Variants in AGBL4 observed in about 807,000 individuals in gnomAD.
AGBL4 encodes the protein cytosolic carboxypeptidase 6.
In AGBL4, 58 loss-of-function variants were observed where a neutral mutation model predicts 66.4. That is an observed-to-expected ratio of 0.87 (90% CI 0.71 to 1.09). The LOEUF is 1.09. AGBL4 is among the 50% of genes least tolerant of loss of function. The probability of loss-of-function intolerance (pLI) is 0.00; values close to 1 mark genes in which losing one functional copy is unlikely to be tolerated. For synonymous variants in AGBL4, 234 were observed against 222.9 expected, an observed-to-expected ratio of 1.05 and a Z score of -0.44; for missense variants, 579 against 631.0, an observed-to-expected ratio of 0.92 and a Z score of 0.88.
At chr1:49,109,043 A>G (rs902557451) in intron 4 of AGBL4, among the ~76,000 whole-genome samples, 1 of 152,176 alleles carries the variant, frequency 6.6e-6, no homozygotes, top group South Asian at 2.1e-4. Context: ...CAAACATTCT[A>G]TTATAACTTT....
At chr1:48,635,795 G>A (rs1263691419) in intron 8 of AGBL4, among the ~76,000 whole-genome samples, 1 of 152,168 alleles carries the variant, frequency 6.6e-6, no homozygotes, top group Admixed American at 6.5e-5. Flanking sequence ...GTGATGCCTA[G>A]ATACCAACCA....
intron 5 of AGBL4, among the ~76,000 whole-genome samples, chr1:49,020,944 C>G (rs1402522215): frequency 6.6e-6 from 1 of 152,150 alleles, no homozygotes; most frequent in Non-Finnish European, 1.5e-5. Context: ...GGCAGGAGAA[C>G]AGTCACAAAG....
intron 3 of AGBL4, among the ~76,000 whole-genome samples, chr1:49,563,740 T>A (rs1644116284): frequency 6.6e-6 from 1 of 152,176 alleles, no homozygotes; most frequent in African/African-American, 2.4e-5. Flanking sequence ...TTTGCATCAA[T>A]GTTCATTAAG....
At chr1:48,792,118 G>C (rs1488037899) in intron 6 of AGBL4, among the ~76,000 whole-genome samples, 1 of 152,156 alleles carries the variant, frequency 6.6e-6, no homozygotes, top group Non-Finnish European at 1.5e-5. Context: ...AACATGACTT[G>C]TGTCTTATAA....
intron 1 of AGBL4, among the ~76,000 whole-genome samples, chr1:49,875,933 T>C (rs1467196698): frequency 5.4e-5 from 8 of 148,488 alleles, no homozygotes; most frequent in African/African-American, 7.5e-5. Context: ...TTTCATGTGT[T>C]TTTTGGCTGC....
At chr1:50,014,379 AG>A (rs1239124295) in intron 1 of AGBL4, among the ~76,000 whole-genome samples, 2 of 151,738 alleles carry the variant, frequency 1.3e-5, no homozygotes, top group African/African-American at 4.8e-5. Flanking sequence ...AAAAAAAAAA[AG>A]ATAAAGAAAA....
chr1:49,475,931 T>C (rs970710013), intron 3 of AGBL4, among the ~76,000 whole-genome samples: 1 of 152,112 alleles, frequency 6.6e-6, no homozygotes, highest in Non-Finnish European at 1.5e-5. Context: ...TTTCATTTAG[T>C]TATGCTCTGG....
intron 3 of AGBL4, among the ~76,000 whole-genome samples, chr1:49,255,369 C>G (rs530596086): frequency 6.6e-6 from 1 of 152,104 alleles, no homozygotes. Flanking sequence ...CAAGATTACA[C>G]GCTTTTCAAA....
In AGBL4 at chr1:49,155,926, A is replaced by T. The variant is rs574600796; in HGVS notation, c.377+89844T>A. Among the ~76,000 whole-genome samples the T allele has an allele frequency of 5.3e-5, 8 of 152,268 alleles. No individual in the cohort carries two copies. The East Asian group carries it at 1.5e-3, about 29-fold the overall frequency. On this transcript the variant is annotated intron_variant, in intron 4 of 13. Transcript: ENST00000371839. Reference sequence around the variant, plus strand: ...CTAATGTTTCTTAAATTGTATCTAGACAGGGTATTGCCTCTATTATCTATG... The same window carrying T: ...CTAATGTTTCTTAAATTGTATCTAGTCAGGGTATTGCCTCTATTATCTATG...
At chr1:49,989,982 A>G (rs1430792168) in intron 1 of AGBL4, among the ~76,000 whole-genome samples, 1 of 152,182 alleles carries the variant, frequency 6.6e-6, no homozygotes, top group Non-Finnish European at 1.5e-5. Flanking sequence ...AAGGGTAAAC[A>G]CAAAAAATAC....
intron 3 of AGBL4, among the ~76,000 whole-genome samples, chr1:49,464,196 C>T (rs1282373198): frequency 6.6e-6 from 1 of 151,734 alleles, no homozygotes; most frequent in African/African-American, 2.4e-5. Flanking sequence ...GAATAAACTT[C>T]CTGTAGGAGC....
At chr1:49,059,750 G>C (rs1305228778) in intron 4 of AGBL4, among the ~76,000 whole-genome samples, 1 of 152,206 alleles carries the variant, frequency 6.6e-6, no homozygotes, top group Non-Finnish European at 1.5e-5. Flanking sequence ...GCATGACCTG[G>C]ATGTGAGACA....
intron 2 of AGBL4, among the ~76,000 whole-genome samples, chr1:49,757,755 A>C (rs925582442): frequency 6.6e-6 from 1 of 152,178 alleles, no homozygotes; most frequent in East Asian, 1.9e-4. Context: ...TGGCAGAAGA[A>C]ATTTCTAAGC....
intron 4 of AGBL4, among the ~76,000 whole-genome samples, chr1:49,237,359 CTTT>C (rs978249814): frequency 2.0e-5 from 3 of 151,562 alleles, no homozygotes; most frequent in Admixed American, 6.6e-5. Flanking sequence ...ACTTGCTCTT[CTTT>C]GTCTTCCACC....
intron 3 of AGBL4, among the ~76,000 whole-genome samples, chr1:49,440,669 T>C (rs1305149851): frequency 6.6e-6 from 1 of 152,130 alleles, no homozygotes. Flanking sequence ...CTACCCTGAG[T>C]GAGTCTTATA....
At chr1:48,973,555 G>A (rs1659080381) in intron 5 of AGBL4, among the ~76,000 whole-genome samples, 1 of 152,100 alleles carries the variant, frequency 6.6e-6, no homozygotes, top group Admixed American at 6.6e-5. Context: ...GCCTTCCACT[G>A]AAAGAAGGTG....
intron 6 of AGBL4, among the ~76,000 whole-genome samples, chr1:48,848,738 C>T (rs1478395256): frequency 2.0e-5 from 3 of 152,056 alleles, no homozygotes; most frequent in Admixed American, 2.0e-4. Context: ...GTATTGTGTC[C>T]ACAAAATGCT....
At chr1:49,875,938 G>A (rs1050047445) in intron 1 of AGBL4, among the ~76,000 whole-genome samples, 7 of 147,050 alleles carry the variant, frequency 4.8e-5, no homozygotes, top group African/African-American at 1.8e-4. Flanking sequence ...TGTGTTTTTT[G>A]GCTGCATAAA....
chr1:49,961,239 T>C (rs1332084353), intron 1 of AGBL4, among the ~76,000 whole-genome samples: 2 of 152,260 alleles, frequency 1.3e-5, no homozygotes, highest in East Asian at 3.9e-4. Flanking sequence ...CAAGTCATGG[T>C]GGCTCATGCT....
Sources: gnomAD v4.1 joint callset for allele counts (sites outside exome capture counted in the v4.1 genomes callset) on GRCh38, gnomAD v4.1.1 for gene constraint, MANE v1.5 for transcripts, NCBI Gene and HGNC (gene_info 2026-07-23, HGNC 2026-07-21) for gene names.